SVIL: variants seen among roughly 807,000 people sequenced by gnomAD.
The protein encoded by SVIL is supervillin, also known as archvillin.
Under a neutral mutation model 240.4 loss-of-function variants are expected in SVIL, and 101 were observed. The ratio of observed to expected loss-of-function variants is 0.42; its 90% CI spans 0.36 to 0.50. The LOEUF is 0.50. Among genes scored for constraint, SVIL ranks in the 20% least tolerant of loss-of-function variants. SVIL has a pLI of 0.01. For synonymous variants in SVIL, 999 were observed against 1,100.0 expected, an observed-to-expected ratio of 0.91 and a Z score of 1.82; for missense variants, 2,512 against 2,818.7, an observed-to-expected ratio of 0.89 and a Z score of 2.46.
At chr10:29,479,247 C>T (rs1039883993) in intron 29 of SVIL, among the ~76,000 whole-genome samples, 4 of 152,196 alleles carry the variant, frequency 2.6e-5, no homozygotes, top group East Asian at 1.9e-4. Context: ...GCCCGCAGAG[C>T]GGTTTAATAG....
chr10:29,524,758 A>G, intron 13 of SVIL, 43 bp from the exon 14 acceptor site: 3 of 1,604,692 alleles, frequency 1.9e-6, no homozygotes, highest in Non-Finnish European at 2.6e-6. Flanking sequence ...CCAACAAACA[A>G]AAGCACACCG....
chr10:29,699,820 C>A (rs879677856), intron 1 of SVIL, among the ~76,000 whole-genome samples: 2 of 152,178 alleles, frequency 1.3e-5, no homozygotes, highest in Non-Finnish European at 2.9e-5. Context: ...AAGGCACCAG[C>A]GGGAGAATGT....
intron 6 of SVIL, among the ~76,000 whole-genome samples, chr10:29,543,793 A>G (rs906912667): frequency 6.6e-6 from 1 of 152,140 alleles, no homozygotes; most frequent in African/African-American, 2.4e-5. Context: ...TGGTACTTAA[A>G]AAGCCTTGTT....
Position 29,724,694 on chromosome 10 carries a change from T to C in SVIL, c.-400+11057A>G, listed in dbSNP as rs116614523. On this transcript the variant is annotated intron_variant, in intron 1 of 35. Transcript: ENST00000375400. ...TTTGAGTTCATGTTCTATCAATTTT[T>C]CCAGGAAGTTCTTAGCCTTATTTTT... Among the ~76,000 whole-genome samples the C allele has an allele frequency of 5.2e-3, 794 of 152,276 alleles. 9 individuals carry two copies. The highest frequency in any genetic ancestry group is 0.018 in the African/African-American group (751 of 41,566).
At chr10:29,577,194 A>C (rs996895252) in intron 1 of SVIL, among the ~76,000 whole-genome samples, 2 of 152,052 alleles carry the variant, frequency 1.3e-5, no homozygotes, top group Admixed American at 6.6e-5. Flanking sequence ...TGATTTTTTA[A>C]ATTTTAATAG....
upstream of SVIL, among the ~76,000 whole-genome samples, chr10:29,635,924 C>T (rs548013202): frequency 1.0e-3 from 152 of 152,272 alleles, no homozygotes; most frequent in African/African-American, 3.5e-3. Context: ...CCAGCTGCTT[C>T]GGCCAGCACA....
At chr10:29,559,185 G>C (rs1395307368) in intron 3 of SVIL, among the ~76,000 whole-genome samples, 1 of 151,784 alleles carries the variant, frequency 6.6e-6, no homozygotes, top group African/African-American at 2.4e-5. Flanking sequence ...AAATCTTGAA[G>C]GTTTGTGTTC....
Position 29,544,579 on chromosome 10 carries a change from A to T in SVIL, c.827+6018T>A, listed in dbSNP as rs886367407. 2.0e-5 allele frequency among the ~76,000 whole-genome samples: 3 copies of T among 151,888 alleles called. No individual in the cohort carries two copies. In the South Asian group the frequency reaches 6.2e-4, roughly 32 times the overall value. ...AGACCAGCCTGGGCAACATTGTGAA[A>T]CCCCATCTCTTCCAAAAAATTCAAA... On this transcript the variant is annotated intron_variant, in intron 6 of 37. Coordinates refer to ENST00000355867, the MANE Select transcript of SVIL (RefSeq NM_021738.3).
chr10:29,458,991 A>ATTTTT (rs34388233), intron 36 of SVIL, among the ~76,000 whole-genome samples: 1 of 123,958 alleles, frequency 8.1e-6, no homozygotes, highest in Non-Finnish European at 1.7e-5. Flanking sequence ...TTCCTTTTCC[A>ATTTTT]TTTTTTTTTT....
chr10:29,729,323 T>A (rs1256586945), intron 1 of SVIL, among the ~76,000 whole-genome samples: 4 of 151,950 alleles, frequency 2.6e-5, no homozygotes, highest in Admixed American at 1.3e-4. Flanking sequence ...TTTTGTAGCA[T>A]CCCAAGACAT....
At chr10:29,719,618 G>T (rs1963852136) in intron 1 of SVIL, among the ~76,000 whole-genome samples, 1 of 152,180 alleles carries the variant, frequency 6.6e-6, no homozygotes, top group Non-Finnish European at 1.5e-5. Context: ...TTTAGGCAGA[G>T]ATATGAATAT....
chr10:29,490,358 A>T (rs910102733), intron 22 of SVIL, among the ~76,000 whole-genome samples: 43 of 151,746 alleles, frequency 2.8e-4, no homozygotes, highest in African/African-American at 9.6e-4. Flanking sequence ...ATGAAGAATG[A>T]TTGTGTGTTC....
chr10:29,548,083 G>A (rs576943645), intron 6 of SVIL, among the ~76,000 whole-genome samples: 1 of 152,262 alleles, frequency 6.6e-6, no homozygotes, highest in Admixed American at 6.5e-5. Flanking sequence ...GGATCCTTGG[G>A]ATCTACCTTT....
At chr10:29,553,023 G>A (rs1320676222) in intron 5 of SVIL, among the ~76,000 whole-genome samples, 1 of 151,272 alleles carries the variant, frequency 6.6e-6, no homozygotes, top group Non-Finnish European at 1.5e-5. Flanking sequence ...TGGCCGTGTT[G>A]TCCAGGCTAA....
At chr10:29,694,936 G>A (rs1048172870) in intron 1 of SVIL, among the ~76,000 whole-genome samples, 4 of 152,204 alleles carry the variant, frequency 2.6e-5, no homozygotes, top group African/African-American at 9.6e-5. Flanking sequence ...GAGGAAGGGA[G>A]GGGCCTGAGT....
At chr10:29,537,193 A>G (rs546715738) in intron 6 of SVIL, among the ~76,000 whole-genome samples, 207 of 152,350 alleles carry the variant, frequency 1.4e-3, no homozygotes, top group Non-Finnish European at 2.2e-3. Flanking sequence ...TAAAATTATC[A>G]CTGAATAATG....
chr10:29,521,095 C>T lies in SVIL; in HGVS notation c.3389+1315G>A, dbSNP rs183964858. ...AAAATTAGCTGGGTGTGGTGGTGTG[C>T]GTCTGTAGTCCCAGCCACTTGGGAG... On this transcript the variant is annotated intron_variant, in intron 16 of 37. Coordinates refer to ENST00000355867, the MANE Select transcript of SVIL (RefSeq NM_021738.3). Among the ~76,000 whole-genome samples, 1,028 of 151,352 alleles carry T rather than the reference C, an allele frequency of 6.8e-3. 6 individuals carry two copies. The highest frequency in any genetic ancestry group is 0.02 in the African/African-American group (838 of 41,292).
intron 2 of SVIL, among the ~76,000 whole-genome samples, chr10:29,675,039 C>A (rs1412953385): frequency 6.6e-6 from 1 of 152,224 alleles, no homozygotes; most frequent in East Asian, 1.9e-4. Flanking sequence ...TGCCATATAA[C>A]TGAACATATT....
chr10:29,724,448 C>A (rs997673577), intron 1 of SVIL, among the ~76,000 whole-genome samples: 2 of 151,316 alleles, frequency 1.3e-5, no homozygotes, highest in African/African-American at 2.4e-5. Flanking sequence ...CATCTTCCAA[C>A]CATGTAATTT....
Sources: allele counts gnomAD v4.1 joint callset (sites outside exome capture counted in the v4.1 genomes callset), GRCh38; gene constraint gnomAD v4.1.1; transcripts MANE v1.5; gene names NCBI Gene and HGNC (gene_info 2026-07-23, HGNC 2026-07-21).